The following YES1 variants were observed in gnomAD, a reference collection of about 807,000 sequenced individuals.
YES1 encodes YES proto-oncogene 1, Src family tyrosine kinase.
A neutral mutation model predicts 70.4 loss-of-function variants in YES1; 39 were observed. The ratio of observed to expected loss-of-function variants is 0.55; its 90% CI spans 0.43 to 0.72. The LOEUF (loss-of-function observed/expected upper bound fraction) is 0.72, where lower values mean the gene tolerates loss of function less well. YES1 is among the 30% of genes least tolerant of loss of function. The pLI is 0.00. For synonymous variants in YES1, 198 were observed against 218.6 expected (o/e 0.91, Z 0.83); for missense variants, 495 against 644.8 (o/e 0.77, Z 2.52).
intron 1 of YES1, among the ~76,000 whole-genome samples, chr18:800,609 G>GCA (rs1906770223): frequency 1.3e-5 from 2 of 152,202 alleles, no homozygotes; most frequent in Non-Finnish European, 2.9e-5. Flanking sequence ...GAAATAAAAG[G>GCA]AAGCCAAAGA....
intron 1 of YES1, among the ~76,000 whole-genome samples, chr18:781,980 G>A (rs551892230): frequency 6.6e-6 from 1 of 152,202 alleles, no homozygotes; most frequent in East Asian, 1.9e-4. Flanking sequence ...AGGGTCATAA[G>A]AGAAACTAGA....
Position 777,109 on chromosome 18 carries a change from A to C in YES1, c.-8-20274T>G, listed in dbSNP as rs572167157. ...GGCAGCAGGATGTGCAAAAGCTCATAAACAAGAGGGAACAAAGTGGGGTTT... is the reference window on the plus strand; with the variant it reads ...GGCAGCAGGATGTGCAAAAGCTCATCAACAAGAGGGAACAAAGTGGGGTTT... On this transcript the variant is annotated intron_variant, in intron 1 of 11. Transcript: ENST00000314574. Among the ~76,000 whole-genome samples the C allele has an allele frequency of 3.3e-5, 5 of 152,298 alleles. No homozygotes were observed. In the South Asian group the frequency reaches 8.3e-4, roughly 25 times the overall value.
At chr18:778,178 C>G (rs1040714159) in intron 1 of YES1, among the ~76,000 whole-genome samples, 1 of 152,174 alleles carries the variant, frequency 6.6e-6, no homozygotes, top group African/African-American at 2.4e-5. Flanking sequence ...TGCTCAAGGA[C>G]AGGGGGCTAA....
intron 2 of YES1, 71 bp from the exon 3 acceptor site, chr18:751,875 C>A: frequency 2.2e-6 from 2 of 914,718 alleles, no homozygotes; most frequent in South Asian, 1.5e-5. Flanking sequence ...AGAACTATTG[C>A]CAGCCAAAAA....
intron 1 of YES1, among the ~76,000 whole-genome samples, chr18:782,707 GA>G: frequency 6.6e-6 from 1 of 152,196 alleles, no homozygotes; most frequent in East Asian, 1.9e-4. Flanking sequence ...TTAACTTTCT[GA>G]ATTTTACATA....
rs146446429 is a variant in YES1, at chr18:784,375, T to C, written c.-8-27540A>G. ...GGAAACTAAGGCTGGAGACGTTAAA[T>C]AGGTTTTGGTTCTATGTCACAAAAC... On this transcript the variant is annotated intron_variant, in intron 1 of 11. Transcript: ENST00000314574. Among the ~76,000 whole-genome samples, 87 of 152,318 alleles carry C rather than the reference T, an allele frequency of 5.7e-4. No individual in the cohort carries two copies. The East Asian group carries it at 9.7e-3, about 17-fold the overall frequency.
rs766256748 is a variant in YES1 at position 746,027 on chromosome 18, T to C, written c.495A>G (p.Arg165=). 1.2e-6 allele frequency: 2 copies of C among 1,612,268 alleles called. No individual in the cohort carries two copies. The highest frequency in any genetic ancestry group is 1.1e-5 in the South Asian group (1 of 90,948). The stretch of plus-strand genomic sequence containing the variant: ...TCAAAAGTAATCTTTCAGCATCTTT[T>C]CTCCCCATTTTGCCAAAATACCATC... ...AEEWYFGKMG[R]KDAERLLLNP... The change falls in exon 5 of 12, where the codon AGA becomes AGG. Residue 165 remains arginine (R), a synonymous_variant. Coordinates refer to ENST00000314574, the MANE Select transcript of YES1 (RefSeq NM_005433.4).
intron 10 of YES1, 150 bp from the exon 11 acceptor site, chr18:733,115 C>A (rs1291047127): frequency 8.0e-6 from 5 of 628,908 alleles, no homozygotes; most frequent in East Asian, 2.9e-5. Flanking sequence ...GATAAAAATT[C>A]TTTAATTTTT....
At position 743,114 on chromosome 18, in the gene YES1, T is replaced by C. The variant is rs990228522; in HGVS notation, c.881-17A>G. The C allele has an allele frequency of 2.6e-6, 4 of 1,562,624 alleles. No individual in the cohort carries two copies. The East Asian group carries it at 6.7e-5, about 26-fold the overall frequency. ...TCCATGTTCCTAAAGAAATAACACA[T>C]TTTAGGAATTTATATTTTAAAGGAT... On this transcript the variant is annotated splice_polypyrimidine_tract_variant and intron_variant, in intron 7 of 11. Transcript: ENST00000314574.
intron 1 of YES1, among the ~76,000 whole-genome samples, chr18:779,077 T>C (rs963843703): frequency 6.6e-6 from 1 of 152,098 alleles, no homozygotes; most frequent in Non-Finnish European, 1.5e-5. Context: ...AAGTCTGATA[T>C]AGGATCAGCC....
At chr18:777,803 G>A (rs565860886) in intron 1 of YES1, among the ~76,000 whole-genome samples, 2,361 of 136,148 alleles carry the variant, frequency 0.017, 61 homozygotes, top group African/African-American at 0.062. Flanking sequence ...TGAGACTCTG[G>A]CTTAAAAAAA....
rs1022419763 is a variant in YES1 at position 811,921 on chromosome 18, G to A, written c.-9+193C>T. Among the ~76,000 whole-genome samples the A allele has an allele frequency of 1.1e-4, 17 of 152,254 alleles. 1 individual carries two copies. The highest frequency in any genetic ancestry group is 1.0e-3 in the South Asian group (5 of 4,822). ...CAGAGACCGAGTCAGGGGCGAGCAG[G>A]TAGCGCGGGGAACGAGACAAGCCCG... On this transcript the variant is annotated intron_variant, in intron 1 of 11. Coordinates refer to ENST00000314574, the MANE Select transcript of YES1 (RefSeq NM_005433.4).
intron 1 of YES1, among the ~76,000 whole-genome samples, chr18:788,489 C>G (rs1906078000): frequency 1.3e-5 from 2 of 152,040 alleles, no homozygotes; most frequent in African/African-American, 2.4e-5. Context: ...AAAATAAAAC[C>G]TTTTGATTTT....
At chr18:795,569 C>T (rs924659441) in intron 1 of YES1, among the ~76,000 whole-genome samples, 15 of 152,060 alleles carry the variant, frequency 9.9e-5, no homozygotes, top group African/African-American at 3.1e-4. Flanking sequence ...GAATACTATG[C>T]AGCCATAAAA....
chr18:726,053 T>C (rs1156373495), intron 11 of YES1, among the ~76,000 whole-genome samples: 1 of 152,210 alleles, frequency 6.6e-6, no homozygotes, highest in Non-Finnish European at 1.5e-5. Flanking sequence ...TTATTTTAAT[T>C]GACTGTTAGG....
intron 1 of YES1, among the ~76,000 whole-genome samples, chr18:798,884 G>T (rs372247497): frequency 6.6e-6 from 1 of 150,890 alleles, no homozygotes; most frequent in Non-Finnish European, 1.5e-5. Flanking sequence ...ATATAAACCC[G>T]AGATGACATG....
intron 1 of YES1, among the ~76,000 whole-genome samples, chr18:757,376 G>T (rs564068954): frequency 1.3e-5 from 2 of 151,544 alleles, no homozygotes; most frequent in Admixed American, 6.6e-5. Context: ...GGTGGTGGGC[G>T]CCTGTAGTCC....
rs546833663 is a variant in YES1, at chr18:781,182, T to C, written c.-8-24347A>G. Among the ~76,000 whole-genome samples the C allele has an allele frequency of 4.6e-5, 7 of 150,852 alleles. No homozygotes were observed. The East Asian group carries it at 1.2e-3, about 25-fold the overall frequency. On this transcript the variant is annotated intron_variant, in intron 1 of 11. Transcript: ENST00000314574. ...TACTCAGGAGGCTGAGGCAGAAGAA[T>C]TGCTTGAACCTGGGAGATGGAGGTT...
chr18:767,675 T>A (rs1904974744), intron 1 of YES1, among the ~76,000 whole-genome samples: 1 of 152,142 alleles, frequency 6.6e-6, no homozygotes, highest in African/African-American at 2.4e-5. Flanking sequence ...GTCTTGAAAT[T>A]ATATAATATA....
Sources: allele counts gnomAD v4.1 joint callset (sites outside exome capture counted in the v4.1 genomes callset), GRCh38; gene constraint gnomAD v4.1.1; transcripts MANE v1.5; gene names NCBI Gene and HGNC (gene_info 2026-07-23, HGNC 2026-07-21).